SV2B: variants seen among roughly 807,000 people sequenced by gnomAD.
SV2B encodes solute carrier family 22 member B2.
Under a neutral mutation model 73.9 loss-of-function variants are expected in SV2B, and 41 were observed. The ratio of observed to expected loss-of-function variants is 0.56; its 90% CI spans 0.43 to 0.72. SV2B has a LOEUF of 0.72. SV2B is among the 30% of genes least tolerant of loss of function. SV2B has a pLI of 0.00. For synonymous variants in SV2B, 314 were observed against 314.2 expected (o/e 1.00, Z 0.01); for missense variants, 764 against 857.8 (o/e 0.89, Z 1.37).
At chr15:91,196,159 A>C (rs1324752949) in intron 1 of SV2B, among the ~76,000 whole-genome samples, 1 of 152,232 alleles carries the variant, frequency 6.6e-6, no homozygotes, top group Non-Finnish European at 1.5e-5. Context: ...CTTGCTAGAA[A>C]TTAGTCATGG....
chr15:91,289,483 G>A lies in SV2B; in HGVS notation c.1709-38G>A, dbSNP rs758320409. The A allele has an allele frequency of 1.2e-5, 20 of 1,613,542 alleles. No individual in the cohort carries two copies. The Admixed American group carries it at 1.3e-4, about 11-fold the overall frequency. On this transcript the variant is annotated intron_variant, in intron 11 of 12. Coordinates refer to ENST00000394232, the MANE Select transcript of SV2B (RefSeq NM_001323032.3). The surrounding 1 kb of genome is among the most constrained non-coding windows in gnomAD (Gnocchi z 4.9). Reference sequence around the variant, plus strand: ...AGTGACAGCCATGTGCAAGACACAGGCCTCATGTTTCTTTTTGCCCTTGAA... The same window carrying A: ...AGTGACAGCCATGTGCAAGACACAGACCTCATGTTTCTTTTTGCCCTTGAA...
rs2047796430 is a variant in SV2B, at chr15:91,258,770, C to A, written c.918+216C>A. Among the ~76,000 whole-genome samples the A allele has an allele frequency of 6.6e-6, 1 of 152,050 alleles. No homozygotes were observed. Among genetic ancestry groups the A allele is most frequent in the Non-Finnish European group, 1.5e-5 (1 of 68,000 alleles). ...CACGGACTGCAAATGCTGGATGGTTCAAGAGCTTGTGGAGCCCAGAGCAGG... is the reference window on the plus strand; with the variant it reads ...CACGGACTGCAAATGCTGGATGGTTAAAGAGCTTGTGGAGCCCAGAGCAGG... On this transcript the variant is annotated intron_variant, in intron 5 of 12. Transcript: ENST00000394232. This position sits in a 1 kb window ranked among gnomAD's most constrained non-coding sequence, Gnocchi z 4.7.
rs150415570 is a variant in SV2B, at chr15:91,288,337, C to T, written c.1709-1184C>T. On this transcript the variant is annotated intron_variant, in intron 11 of 12. Coordinates refer to ENST00000394232, the MANE Select transcript of SV2B (RefSeq NM_001323032.3). This position sits in a 1 kb window ranked among gnomAD's most constrained non-coding sequence, Gnocchi z 5.8. ...AATGTGATATTTTCATGCATATATA[C>T]GATGTGGAATGATTAAGTCAAGCTA... Among the ~76,000 whole-genome samples, 859 of 152,066 alleles carry T rather than the reference C, an allele frequency of 5.6e-3. 11 individuals are homozygous for T. The highest frequency in any genetic ancestry group is 0.02 in the African/African-American group (814 of 41,452).
At chr15:91,161,469 A>G (rs1158937715) in intron 1 of SV2B, among the ~76,000 whole-genome samples, 1 of 152,230 alleles carries the variant, frequency 6.6e-6, no homozygotes, top group Non-Finnish European at 1.5e-5. Flanking sequence ...ATGGTAAAAG[A>G]TTTTAAAATG....
At chr15:91,176,908 T>A (rs1246977708) in intron 1 of SV2B, among the ~76,000 whole-genome samples, 5 of 152,206 alleles carry the variant, frequency 3.3e-5, no homozygotes, top group South Asian at 2.1e-4. Context: ...AGATCCCATT[T>A]GTCGATTTTG....
intron 1 of SV2B, among the ~76,000 whole-genome samples, chr15:91,148,248 G>A (rs2043206056): frequency 6.6e-6 from 1 of 151,996 alleles, no homozygotes; most frequent in Non-Finnish European, 1.5e-5. Context: ...CAAAGTGCTG[G>A]GATTACAGAC....
At chr15:91,248,822 G>C (rs1043910728) in intron 2 of SV2B, among the ~76,000 whole-genome samples, 7 of 152,188 alleles carry the variant, frequency 4.6e-5, no homozygotes, top group African/African-American at 1.2e-4. Flanking sequence ...AGTAAAGTTT[G>C]AGAAGTGCTG....
rs2042680165 is a variant in SV2B, at chr15:91,132,359, A to G, written c.-392+31996A>G. Among the ~76,000 whole-genome samples the G allele has an allele frequency of 6.6e-6, 1 of 152,230 alleles. No homozygotes were observed. The highest frequency in any genetic ancestry group is 2.1e-4 in the South Asian group (1 of 4,836). On this transcript the variant is annotated intron_variant, in intron 1 of 12. Transcript: ENST00000394232. This position sits in a 1 kb window ranked among gnomAD's most constrained non-coding sequence, Gnocchi z 4.6. ...TTACAAAGGTCACACACCTGTGCAA[A>G]CATTGGTTGCAAAAACAATCAGGGG...
intron 1 of SV2B, among the ~76,000 whole-genome samples, chr15:91,119,400 C>T (rs775520104): frequency 6.6e-6 from 1 of 152,198 alleles, no homozygotes; most frequent in African/African-American, 2.4e-5. Context: ...CTGAATTTAG[C>T]AAGTGACAAA....
chr15:91,230,051 G>A lies in SV2B; in HGVS notation c.451+3337G>A, dbSNP rs1227414905. 3.9e-5 allele frequency among the ~76,000 whole-genome samples: 6 copies of A among 151,982 alleles called. No homozygotes were observed. The East Asian group carries it at 9.7e-4, about 25-fold the overall frequency. On this transcript the variant is annotated intron_variant, in intron 2 of 12. Transcript: ENST00000394232. ...AGGCCAGGAGTTTGAGATCAGCCTG[G>A]GCAACATGGTGAAACCCGTGTCTAC...
chr15:91,138,895 T>G (rs1225848747), intron 1 of SV2B, among the ~76,000 whole-genome samples: 1 of 152,140 alleles, frequency 6.6e-6, no homozygotes, highest in Non-Finnish European at 1.5e-5. Flanking sequence ...AAAAAAGAGA[T>G]AGCTTGGGAA....
chr15:91,264,839 T>C lies in SV2B; in HGVS notation c.1009-1743T>C, dbSNP rs1012185038. Among the ~76,000 whole-genome samples, 9 of 152,220 alleles carry C rather than the reference T, an allele frequency of 5.9e-5. No homozygotes were observed. The South Asian group carries it at 1.5e-3, about 25-fold the overall frequency. On this transcript the variant is annotated intron_variant, in intron 6 of 12. Transcript: ENST00000394232. ...CAATGTGCGGAGAGTTACAAAATGT[T>C]GGAGTTGGTCTTATCCCAGCATGCG...
chr15:91,200,342 C>T (rs2045415885), intron 1 of SV2B, among the ~76,000 whole-genome samples: 1 of 152,154 alleles, frequency 6.6e-6, no homozygotes, highest in Non-Finnish European at 1.5e-5. Flanking sequence ...TTGATCGGGC[C>T]ATATGGCCTT....
intron 1 of SV2B, among the ~76,000 whole-genome samples, chr15:91,133,288 G>T (rs17594236): frequency 0.09 from 13,672 of 152,120 alleles, 751 homozygotes; most frequent in Non-Finnish European, 0.12. Flanking sequence ...GAAGCAAAGG[G>T]TTTTGATGAA....
intron 1 of SV2B, among the ~76,000 whole-genome samples, chr15:91,169,358 C>T (rs2044036182): frequency 6.6e-6 from 1 of 152,150 alleles, no homozygotes; most frequent in Non-Finnish European, 1.5e-5. Context: ...TGTTTCAGTA[C>T]TTGGTCTGCA....
intron 1 of SV2B, among the ~76,000 whole-genome samples, chr15:91,138,453 A>G (rs1044558136): frequency 7.2e-5 from 11 of 152,240 alleles, no homozygotes; most frequent in Admixed American, 2.0e-4. Flanking sequence ...GGGACAGAAT[A>G]ACATGTTGAA....
intron 1 of SV2B, among the ~76,000 whole-genome samples, chr15:91,111,131 T>A (rs1439375581): frequency 6.6e-6 from 1 of 152,138 alleles, no homozygotes; most frequent in African/African-American, 2.4e-5. Flanking sequence ...GGCCGCCTGC[T>A]TCTTCGGTGG....
At position 91,236,575 on chromosome 15, in the gene SV2B, G is replaced by A. The variant is rs2046790783; in HGVS notation, c.451+9861G>A. ...CAAGTATATGTAAGCTTTTGACCTT[G>A]GTGGCCCAATGAAGAGGGTTTAGAG... On this transcript the variant is annotated intron_variant, in intron 2 of 12. Coordinates refer to ENST00000394232, the MANE Select transcript of SV2B (RefSeq NM_001323032.3). This position sits in a 1 kb window ranked among gnomAD's most constrained non-coding sequence, Gnocchi z 4.1. 6.6e-6 allele frequency among the ~76,000 whole-genome samples: 1 copy of A among 152,146 alleles called. No homozygotes were observed. The highest frequency in any genetic ancestry group is 2.4e-5 in the African/African-American group (1 of 41,428).
At chr15:91,163,378 C>A (rs1026004183) in intron 1 of SV2B, among the ~76,000 whole-genome samples, 2 of 152,200 alleles carry the variant, frequency 1.3e-5, no homozygotes, top group African/African-American at 2.4e-5. Flanking sequence ...ACAGTCCCAC[C>A]AACAGTGTAA....
Sources: allele counts gnomAD v4.1 joint callset (sites outside exome capture counted in the v4.1 genomes callset), GRCh38; gene constraint gnomAD v4.1.1; non-coding constraint Gnocchi (gnomAD v3.1); transcripts MANE v1.5; gene names NCBI Gene and HGNC (gene_info 2026-07-23, HGNC 2026-07-21).